The following ATRAID variants were observed in gnomAD, a reference collection of about 807,000 sequenced individuals.
ATRAID encodes the protein all-trans retinoic acid-induced differentiation factor.
In ATRAID, 26 loss-of-function variants were observed where a neutral mutation model predicts 28.8. That is an observed-to-expected ratio of 0.90 (90% CI 0.66 to 1.25). ATRAID has a LOEUF of 1.25. Ranked by LOEUF, ATRAID falls within the 50% of genes most tolerant of loss-of-function variation. ATRAID has a pLI of 0.00. For missense variants in ATRAID, 308 were observed against 285.9 expected (o/e 1.08, Z -0.56); for synonymous variants, 131 against 108.5 (o/e 1.21, Z -1.29).
chr2:27,216,577 GT>G lies in ATRAID; in HGVS notation c.543del (p.Cys181TrpfsTer57), dbSNP rs747620653. 6.2e-7 allele frequency: 1 copy of G among 1,614,176 alleles called. No homozygotes were observed. Among genetic ancestry groups the G allele is most frequent in the Non-Finnish European group, 8.5e-7 (1 of 1,180,034 alleles). The stretch of plus-strand genomic sequence containing the variant: ...CCTGATGGTCCAGGTCTTTTGCAGT[GT>G]GTTTGTGCTGATGGTTTCCATGGAT... ...CVPDGPGLLQ[C>X]VCADGFHGYK... On this transcript the variant is annotated frameshift_variant, in exon 6 of 7. Transcript: ENST00000380171. LOFTEE classifies it high-confidence loss of function.
chr2:27,215,237 G>A, intron 2 of ATRAID, 84 bp from the exon 3 acceptor site: 3 of 1,328,926 alleles, frequency 2.3e-6, no homozygotes, highest in Non-Finnish European at 3.2e-6. Context: ...AGCTGAAAAG[G>A]GGGTTGTGTA....
In ATRAID at chr2:27,212,423, C is replaced by T. The variant is rs778720867; in HGVS notation, c.55C>T (p.Leu19=). 13 of 1,556,216 alleles carry T rather than the reference C, an allele frequency of 8.4e-6. No homozygotes were observed. Among genetic ancestry groups the T allele is most frequent in the African/African-American group, 2.7e-5 (2 of 73,074 alleles). ...GACCCTGGTGCCCTGGGCTGCCGCC[C>T]TGCTCCTCGCTCTGGGCGTGGAAAG... ...LTTLVPWAAA[L]LLALGVERAL... is the part of the protein sequence containing the mutation. The change falls in exon 1 of 7, where the codon CTG becomes TTG. Residue 19 remains leucine (L), a synonymous_variant. Transcript: ENST00000380171.
downstream of ATRAID, chr2:27,217,163 C>A: frequency 1.9e-6 from 1 of 526,988 alleles, no homozygotes; most frequent in South Asian, 2.9e-5. Flanking sequence ...TTTTTTTTTC[C>A]TCTCTTTCTT....
chr2:27,214,393 G>GA (rs1250644627), intron 2 of ATRAID, among the ~76,000 whole-genome samples: 13 of 134,574 alleles, frequency 9.7e-5, no homozygotes, highest in African/African-American at 2.9e-4. Context: ...AATACATGTG[G>GA]AAAAAAACTT....
At chr2:27,213,634 ACT>A (rs534521982) in intron 2 of ATRAID, among the ~76,000 whole-genome samples, 6 of 151,712 alleles carry the variant, frequency 4.0e-5, no homozygotes, top group Admixed American at 2.0e-4. Flanking sequence ...TTCCATTATC[ACT>A]CTCTTGCTTT....
intron 6 of ATRAID, 37 bp from the exon 7 acceptor site, chr2:27,216,807 C>T (rs774945277): frequency 2.0e-5 from 32 of 1,564,008 alleles, no homozygotes; most frequent in East Asian, 1.3e-4. Flanking sequence ...CTCCGTGTAA[C>T]GTTGTATGGG....
chr2:27,217,165 CTCTT>C (rs982331017), downstream of ATRAID: 6 of 527,838 alleles, frequency 1.1e-5, no homozygotes, highest in African/African-American at 8.0e-5. Context: ...TTTTTTTCCT[CTCTT>C]TCTTTTTAAG....
chr2:27,216,636 G>A lies in ATRAID; in HGVS notation c.585+16G>A, dbSNP rs771786328. The A allele has an allele frequency of 1.9e-6, 3 of 1,597,864 alleles. No homozygotes were observed. The highest frequency in any genetic ancestry group is 1.1e-5 in the South Asian group (1 of 90,742). On this transcript the variant is annotated intron_variant, in intron 6 of 6. Coordinates refer to ENST00000380171, the MANE Select transcript of ATRAID (RefSeq NM_001170795.4). ...TATGCGCCAGGTGAGGAATTAGGCC[G>A]TCTAACTAGGGATACAAGGAATGCA...
intron 6 of ATRAID, 25 bp from the exon 7 acceptor site, chr2:27,216,819 G>A (rs775342548): frequency 2.5e-6 from 4 of 1,584,080 alleles, no homozygotes; most frequent in Admixed American, 1.7e-5. Context: ...TTGTATGGGG[G>A]TGTTTTTTGG....
In ATRAID at chr2:27,212,096, G is replaced by A; in HGVS notation, c.-273G>A. The stretch of plus-strand genomic sequence containing the variant: ...CGGACGCGGGGAACACCGGGCTGAG[G>A]GAGTCTGCAGTCGGCTCCGGGAAGC... On this transcript the variant is annotated 5_prime_UTR_variant, in exon 1 of 7. Transcript: ENST00000380171. The A allele has an allele frequency of 4.9e-6, 7 of 1,424,322 alleles. No homozygotes were observed. The highest frequency in any genetic ancestry group is 6.5e-6 in the Non-Finnish European group (7 of 1,069,864). 88.2% of individuals were successfully genotyped at this position (1,424,322 alleles called of 1,614,324 possible).
intron 2 of ATRAID, among the ~76,000 whole-genome samples, chr2:27,214,262 GTTTGTAGGGACTCAGTAAA>G (rs1239894398): frequency 6.6e-6 from 1 of 152,192 alleles, no homozygotes; most frequent in Non-Finnish European, 1.5e-5. Context: ...AGTGTTTGCA[GTTTGTAGGGACTCAGTAAA>G]TATTTGTAGA....
intron 3 of ATRAID, 24 bp from the exon 4 acceptor site, chr2:27,215,450 G>C: frequency 6.2e-7 from 1 of 1,614,170 alleles, no homozygotes. Context: ...TGATGCGAAA[G>C]TGCTAACATT....
In ATRAID at chr2:27,216,411, T is replaced by G; in HGVS notation, c.488-112T>G. On this transcript the variant is annotated intron_variant, in intron 5 of 6. Coordinates refer to ENST00000380171, the MANE Select transcript of ATRAID (RefSeq NM_001170795.4). ...CTGTTTTTATCTGTAATTTTCTTTC[T>G]TCTTCCTTTATCCTAGCAATGATTG... The G allele has an allele frequency of 8.8e-6, 8 of 907,024 alleles. No homozygotes were observed. In the South Asian group the frequency reaches 1.2e-4, roughly 13 times the overall value. 56.2% of individuals were successfully genotyped at this position (907,024 alleles called of 1,614,324 possible).
At chr2:27,215,017 T>C (rs1558521157) in intron 2 of ATRAID, among the ~76,000 whole-genome samples, 1 of 152,216 alleles carries the variant, frequency 6.6e-6, no homozygotes, top group Admixed American at 6.5e-5. Flanking sequence ...CAGGCTGGTC[T>C]TGAATTCCTA....
Position 27,215,556 on chromosome 2 carries a change from G to A in ATRAID, c.365+11G>A, listed in dbSNP as rs201827314. 4.9e-4 allele frequency: 786 copies of A among 1,614,194 alleles called. 3 individuals are homozygous for A. The highest frequency in any genetic ancestry group is 9.4e-4 in the South Asian group (86 of 91,086). On this transcript the variant is annotated intron_variant, in intron 4 of 6. Transcript: ENST00000380171. Reference sequence around the variant, plus strand: ...TCAGCTCCAGACTCTGTGAGTAAGGGTATGGGAAGAGAATCAAAGAGGGAT... The same window carrying A: ...TCAGCTCCAGACTCTGTGAGTAAGGATATGGGAAGAGAATCAAAGAGGGAT...
intron 2 of ATRAID, among the ~76,000 whole-genome samples, chr2:27,214,918 A>C (rs958868255): frequency 6.6e-5 from 10 of 151,714 alleles, no homozygotes; most frequent in African/African-American, 2.4e-4. Flanking sequence ...TTCCATTTGC[A>C]CTTGAAATAC....
intron 2 of ATRAID, 57 bp from the exon 3 acceptor site, chr2:27,215,264 G>A (rs1558521321): frequency 6.4e-7 from 1 of 1,552,300 alleles, no homozygotes; most frequent in Non-Finnish European, 8.9e-7. Context: ...TACAAACTGT[G>A]CCGTGGCTGA....
rs908598405 is a variant in ATRAID at position 27,212,139 on chromosome 2, G to A, written c.-230G>A. 6.6e-7 allele frequency: 1 copy of A among 1,520,104 alleles called. No homozygotes were observed. The highest frequency in any genetic ancestry group is 8.8e-7 in the Non-Finnish European group (1 of 1,137,006). The allele number at this position is 1,520,104 out of a possible 1,614,324, so 94.2% of individuals were successfully genotyped here. On this transcript the variant is annotated 5_prime_UTR_variant, in exon 1 of 7. Transcript: ENST00000380171. ...CGGGAAGCCGCGCGGCGACGGGGGA[G>A]GCCTTCACTAAAGGGGAAAAGGAAG...
intron 1 of ATRAID, chr2:27,212,674 C>T: frequency 7.3e-7 from 1 of 1,367,822 alleles, no homozygotes; most frequent in East Asian, 2.8e-5. Context: ...TTTCAAAGAC[C>T]TGTGAAACTT....
Sources: gnomAD v4.1 joint callset for allele counts (sites outside exome capture counted in the v4.1 genomes callset) on GRCh38, gnomAD v4.1.1 for gene constraint, MANE v1.5 for transcripts, NCBI Gene and HGNC (gene_info 2026-07-23, HGNC 2026-07-21) for gene names.